Variants in SMG6 observed in about 807,000 individuals in gnomAD.
SMG6 encodes SMG6 nonsense mediated mRNA decay factor, also known as telomerase-binding protein EST1A.
A neutral mutation model predicts 142.2 loss-of-function variants in SMG6; 66 were observed. The ratio of observed to expected loss-of-function variants is 0.46; its 90% CI spans 0.38 to 0.57. SMG6 has a LOEUF of 0.57. Ranked by LOEUF, SMG6 falls within the 20% of genes least tolerant of loss-of-function variation. SMG6 has a pLI of 0.00. For synonymous variants in SMG6, 779 were observed against 702.4 expected (o/e 1.11, Z -1.72); for missense variants, 1,793 against 1,832.0 (o/e 0.98, Z 0.39).
chr17:2,118,806 C>T (rs1165703823), intron 13 of SMG6, among the ~76,000 whole-genome samples: 3 of 151,360 alleles, frequency 2.0e-5, no homozygotes, highest in Non-Finnish European at 4.4e-5. Context: ...CCAAGCTGGT[C>T]TCGAATTCCT....
At chr17:2,252,636 G>A (rs1204750273) in intron 8 of SMG6, among the ~76,000 whole-genome samples, 1 of 152,180 alleles carries the variant, frequency 6.6e-6, no homozygotes, top group African/African-American at 2.4e-5. Flanking sequence ...AGTGAGATCA[G>A]TACTGCTAAT....
intron 8 of SMG6, chr17:2,266,167 A>T: frequency 1.0e-6 from 1 of 985,376 alleles, no homozygotes; most frequent in South Asian, 4.7e-5. Context: ...AAACCAAACC[A>T]AGGCCTGGAA....
intron 11 of SMG6, among the ~76,000 whole-genome samples, chr17:2,187,428 T>C (rs1042141455): frequency 5.9e-5 from 9 of 152,274 alleles, no homozygotes; most frequent in African/African-American, 2.2e-4. Context: ...GGTCTGTGAA[T>C]GCAATAATAG....
intron 13 of SMG6, among the ~76,000 whole-genome samples, chr17:2,126,235 T>C (rs1184818915): frequency 6.6e-6 from 1 of 152,042 alleles, no homozygotes; most frequent in Non-Finnish European, 1.5e-5. Context: ...TAAAAAAACC[T>C]GGATATTCAC....
At chr17:2,196,101 G>A (rs1390569595) in intron 10 of SMG6, among the ~76,000 whole-genome samples, 3 of 152,176 alleles carry the variant, frequency 2.0e-5, no homozygotes, top group Non-Finnish European at 4.4e-5. Flanking sequence ...GAAACGCTAT[G>A]CTAAAAATCT....
rs185282966 is a variant in SMG6, at chr17:2,227,612, A to C, written c.2869+8880T>G. On this transcript the variant is annotated intron_variant, in intron 10 of 18. Transcript: ENST00000263073. The stretch of plus-strand genomic sequence containing the variant: ...GATCAACTGGGATGGGCACAAAGAG[A>C]ACTTCTGGGGATGATGGAAACGCTC... 1.1e-3 allele frequency among the ~76,000 whole-genome samples: 161 copies of C among 152,270 alleles called. 1 individual carries two copies. The highest frequency in any genetic ancestry group is 1.8e-3 in the Non-Finnish European group (123 of 68,024).
intron 8 of SMG6, among the ~76,000 whole-genome samples, chr17:2,245,431 G>A (rs1463669488): frequency 1.3e-5 from 2 of 152,138 alleles, no homozygotes; most frequent in African/African-American, 2.4e-5. Flanking sequence ...TGTCACCCAG[G>A]CTGGAGTGCA....
chr17:2,260,466 C>A (rs982717297), intron 8 of SMG6, among the ~76,000 whole-genome samples: 1 of 152,216 alleles, frequency 6.6e-6, no homozygotes, highest in Non-Finnish European at 1.5e-5. Context: ...TGCTGGTTCC[C>A]AGACCCAAAC....
At chr17:2,293,000 G>A in intron 4 of SMG6, 23 bp from the exon 5 acceptor site, 1 of 1,557,972 alleles carries the variant, frequency 6.4e-7, no homozygotes, top group African/African-American at 1.4e-5. Context: ...CAACCAGTTA[G>A]TAGAAAAGCC....
chr17:2,101,372 G>C (rs1384418586), intron 13 of SMG6: 1 of 152,132 alleles, frequency 6.6e-6, no homozygotes, highest in Non-Finnish European at 1.5e-5. Flanking sequence ...AAAGTGTTGG[G>C]GTTACAGCCG....
rs963269464 is a variant in SMG6, at chr17:2,069,914, T to C, written c.3682-983A>G. On this transcript the variant is annotated intron_variant, in intron 15 of 18. Coordinates refer to ENST00000263073, the MANE Select transcript of SMG6 (RefSeq NM_017575.5). ...GACGTTTTTCTTTAAACTGACTTTG[T>C]CACTTTTTTTCTTAGCCTCTTCTTC... Among the ~76,000 whole-genome samples, 6 of 152,242 alleles carry C rather than the reference T, an allele frequency of 3.9e-5. No individual in the cohort carries two copies. In the South Asian group the frequency reaches 6.2e-4, roughly 16 times the overall value.
intron 13 of SMG6, among the ~76,000 whole-genome samples, chr17:2,104,152 C>A (rs1407363930): frequency 6.6e-6 from 1 of 151,996 alleles, no homozygotes. Flanking sequence ...GGGGTTTCAC[C>A]ATGTTAGCCA....
chr17:2,087,554 C>A, intron 13 of SMG6: 1 of 1,019,790 alleles, frequency 9.8e-7, no homozygotes, highest in South Asian at 3.7e-5. Flanking sequence ...AGGTTCTCGG[C>A]TACCCAGAAG....
intron 8 of SMG6, among the ~76,000 whole-genome samples, chr17:2,255,415 AAAAAAAAAAAAAAAG>A (rs1350548300): frequency 1.3e-5 from 2 of 149,960 alleles, no homozygotes; most frequent in Non-Finnish European, 1.5e-5. Context: ...AAAAAAAAAA[AAAAAAAAAAAAAAAG>A]AATGTGATCT....
intron 12 of SMG6, chr17:2,173,088 T>G (rs1433450626): frequency 3.6e-6 from 2 of 550,272 alleles, no homozygotes; most frequent in African/African-American, 3.8e-5. Context: ...GGGGAGTTTT[T>G]AATCCTCACC....
rs8066601 is a variant in SMG6, at chr17:2,073,951, T to A, written c.3682-5020A>T. Among the ~76,000 whole-genome samples, 283 of 151,482 alleles carry A rather than the reference T, an allele frequency of 1.9e-3. 2 individuals are homozygous for A. Among genetic ancestry groups the A allele is most frequent in the African/African-American group, 5.8e-3 (239 of 41,330 alleles). ...AAAATCAGCCGGGGATGGTGGCACA[T>A]GCCTGTAGTCCCAGCTACTCGGGAG... On this transcript the variant is annotated intron_variant, in intron 15 of 18. Coordinates refer to ENST00000263073, the MANE Select transcript of SMG6 (RefSeq NM_017575.5).
chr17:2,294,350 A>C (rs925500897), intron 4 of SMG6, among the ~76,000 whole-genome samples: 3 of 152,204 alleles, frequency 2.0e-5, no homozygotes, highest in African/African-American at 4.8e-5. Flanking sequence ...CCACTTTGTC[A>C]TGTTGGTAAG....
At chr17:2,128,783 C>T (rs1466044622) in intron 13 of SMG6, among the ~76,000 whole-genome samples, 1 of 139,028 alleles carries the variant, frequency 7.2e-6, no homozygotes, top group Admixed American at 7.6e-5. Context: ...AAGATCGCGC[C>T]ACGGCACTCT....
intron 8 of SMG6, among the ~76,000 whole-genome samples, chr17:2,248,448 G>A (rs554441989): frequency 6.6e-6 from 1 of 152,100 alleles, no homozygotes; most frequent in Admixed American, 6.6e-5. Context: ...AGCCCCAAGA[G>A]GTTTGGAACA....
Sources: gnomAD v4.1 joint callset for allele counts (sites outside exome capture counted in the v4.1 genomes callset) on GRCh38, gnomAD v4.1.1 for gene constraint, MANE v1.5 for transcripts, NCBI Gene and HGNC (gene_info 2026-07-23, HGNC 2026-07-21) for gene names.